The following CHERP variants were observed in gnomAD, a reference collection of about 807,000 sequenced individuals.
CHERP encodes the protein ERPROT 213-21.
A neutral mutation model predicts 113.8 loss-of-function variants in CHERP; 8 were observed. The observed-to-expected ratio is 0.07, with a 90% CI of 0.04 to 0.13. The LOEUF is 0.13. Ranked by LOEUF, CHERP falls within the 10% of genes least tolerant of loss-of-function variation. CHERP has a pLI of 1.00. For missense variants in CHERP, 884 were observed against 1,298.2 expected (o/e 0.68, Z 4.90); for synonymous variants, 559 against 524.5 (o/e 1.07, Z -0.90).
rs1335223219 is a variant in CHERP at position 16,519,545 on chromosome 19, A to T, written c.2557+76T>A. 16 of 1,381,548 alleles carry T rather than the reference A, an allele frequency of 1.2e-5. No homozygotes were observed. The Admixed American group carries it at 2.2e-4, about 19-fold the overall frequency. 85.6% of individuals were successfully genotyped at this position (1,381,548 alleles called of 1,614,324 possible). On this transcript the variant is annotated intron_variant, in intron 16 of 16. Transcript: ENST00000546361. The surrounding 1 kb of genome is among the most constrained non-coding windows in gnomAD (Gnocchi z 6.0). ...CATCCATCCCCACATGCACTGAGGA[A>T]GAGAAAGCGCTGGTGACTCCCGGGC...
At position 16,535,211 on chromosome 19, in the gene CHERP, T is replaced by C. The variant is rs1476781019; in HGVS notation, c.384+241A>G. 1.3e-5 allele frequency among the ~76,000 whole-genome samples: 2 copies of C among 152,144 alleles called. No homozygotes were observed. Among genetic ancestry groups the C allele is most frequent in the African/African-American group, 4.8e-5 (2 of 41,418 alleles). On this transcript the variant is annotated intron_variant, in intron 3 of 16. Transcript: ENST00000546361. The surrounding 1 kb of genome is among the most constrained non-coding windows in gnomAD (Gnocchi z 4.3). Reference sequence around the variant, plus strand: ...GTGCATACGTGCCCCACAGTCCCACTCAGGGGGGTCCACCCCAGGGTGATG... The same window carrying C: ...GTGCATACGTGCCCCACAGTCCCACCCAGGGGGGTCCACCCCAGGGTGATG...
At position 16,525,623 on chromosome 19, in the gene CHERP, G is replaced by A. The variant is rs1162585193; in HGVS notation, c.1360C>T (p.Pro454Ser). The change falls in exon 10 of 17, where the codon CCC becomes TCC. Residue 454 changes from proline (P) to serine (S), a missense_variant. By Grantham distance (74) the Pro-to-Ser change is moderately conservative. Transcript: ENST00000546361. This position sits in a 1 kb window ranked among gnomAD's most constrained non-coding sequence, Gnocchi z 6.5. Reference sequence around the variant, plus strand: ...ATGCCCTCATGGCTGTTGTTCCAGGGGGGGCAGTGGGGTGGGCCGCCCTGG... The same window carrying A: ...ATGCCCTCATGGCTGTTGTTCCAGGAGGGGCAGTGGGGTGGGCCGCCCTGG... ...HHQGGPPHCPPWNNSHEGMWG... is the reference protein window; with the variant it reads ...HHQGGPPHCPSWNNSHEGMWG... 5 of 1,532,194 alleles carry A rather than the reference G, an allele frequency of 3.3e-6. No individual in the cohort carries two copies. Among genetic ancestry groups the A allele is most frequent in the African/African-American group, 2.7e-5 (2 of 72,822 alleles). 94.9% of individuals were successfully genotyped at this position (1,532,194 alleles called of 1,614,324 possible). A position where few individuals can be genotyped will look rare whatever the true frequency, so the allele number is the denominator to read the frequency against.
Position 16,525,144 on chromosome 19 carries a change from C to A in CHERP, c.1741+98G>T. On this transcript the variant is annotated intron_variant, in intron 10 of 16. Transcript: ENST00000546361. The surrounding 1 kb of genome is among the most constrained non-coding windows in gnomAD (Gnocchi z 6.5). ...GACCCTGTGTCTGTCACTGTGCACT[C>A]AGGAGCATGGCAGGGCCACAAGCAG... 8.4e-7 allele frequency: 1 copy of A among 1,187,754 alleles called. No homozygotes were observed. Among genetic ancestry groups the A allele is most frequent in the Non-Finnish European group, 1.1e-6 (1 of 897,054 alleles). The allele number at this position is 1,187,754 out of a possible 1,614,324, so 73.6% of individuals were successfully genotyped here.
intron 10 of CHERP, among the ~76,000 whole-genome samples, chr19:16,524,821 C>T (rs576833837): frequency 2.0e-5 from 3 of 151,116 alleles, no homozygotes; most frequent in African/African-American, 7.3e-5. Flanking sequence ...TACAGTGGTG[C>T]GATCACAGCT....
At position 16,519,816 on chromosome 19, in the gene CHERP, T is replaced by G; in HGVS notation, c.2463-101A>C. The G allele has an allele frequency of 2.0e-6, 2 of 994,258 alleles. No homozygotes were observed. Among genetic ancestry groups the G allele is most frequent in the Non-Finnish European group, 3.2e-6 (2 of 620,294 alleles). 61.6% of individuals were successfully genotyped at this position (994,258 alleles called of 1,614,324 possible). A position where few individuals can be genotyped will look rare whatever the true frequency, so the allele number is the denominator to read the frequency against. On this transcript the variant is annotated intron_variant, in intron 15 of 16. Transcript: ENST00000546361. This position sits in a 1 kb window ranked among gnomAD's most constrained non-coding sequence, Gnocchi z 6.0. ...AGCCGCAGCTTGCGTGCATGCTCACTGTCACCAGGTGACACCGTATGCAGA... is the reference window on the plus strand; with the variant it reads ...AGCCGCAGCTTGCGTGCATGCTCACGGTCACCAGGTGACACCGTATGCAGA...
chr19:16,527,856 C>T (rs2085666966), intron 9 of CHERP, among the ~76,000 whole-genome samples: 1 of 152,202 alleles, frequency 6.6e-6, no homozygotes, highest in African/African-American at 2.4e-5. Context: ...TACAGAGAAG[C>T]CCAAACCATC....
intron 1 of CHERP, 50 bp downstream of exon 1, chr19:16,542,304 A>G: frequency 2.2e-6 from 3 of 1,394,152 alleles, no homozygotes; most frequent in Non-Finnish European, 1.9e-6. Flanking sequence ...GCCGGCCAAT[A>G]GGAGGTTCCG....
intron 3 of CHERP, among the ~76,000 whole-genome samples, chr19:16,533,537 C>T (rs545108234): frequency 2.6e-5 from 4 of 152,108 alleles, no homozygotes; most frequent in Admixed American, 6.5e-5. Context: ...GCGGGAGGAT[C>T]GCTTGAGCCC....
At chr19:16,522,966 C>T (rs1312971860) in intron 11 of CHERP, 86 bp downstream of exon 11, 12 of 1,423,996 alleles carry the variant, frequency 8.4e-6, no homozygotes, top group African/African-American at 4.5e-5. Context: ...GGAAGGCACC[C>T]GGTCCCGTGC....
intron 9 of CHERP, among the ~76,000 whole-genome samples, chr19:16,527,329 T>C (rs184870920): frequency 5.7e-4 from 87 of 152,262 alleles, no homozygotes; most frequent in Middle Eastern, 3.4e-3. Context: ...TGTCCAATCT[T>C]TTGTGAGGTT....
chr19:16,520,965 G>A lies in CHERP; in HGVS notation c.2115-53C>T. ...CCACGTGACACCCACCCACAAGGAA[G>A]TCGTGAAAAAGTCATCAGGAGTTAA... On this transcript the variant is annotated intron_variant, in intron 12 of 16. Transcript: ENST00000546361. This position sits in a 1 kb window ranked among gnomAD's most constrained non-coding sequence, Gnocchi z 4.0. The A allele has an allele frequency of 6.6e-7, 1 of 1,505,842 alleles. No homozygotes were observed. The highest frequency in any genetic ancestry group is 1.7e-4 in the Middle Eastern group (1 of 5,868). The allele number at this position is 1,505,842 out of a possible 1,614,324, so 93.3% of individuals were successfully genotyped here.
chr19:16,540,648 C>A (rs879404427), intron 2 of CHERP, among the ~76,000 whole-genome samples: 1 of 151,680 alleles, frequency 6.6e-6, no homozygotes, highest in Non-Finnish European at 1.5e-5. Context: ...GCTGGGATTA[C>A]AGGCGTCAGC....
In CHERP at chr19:16,535,909, T is replaced by C. The variant is rs989424803; in HGVS notation, c.200-273A>G. 3.3e-5 allele frequency among the ~76,000 whole-genome samples: 5 copies of C among 152,128 alleles called. No homozygotes were observed. The highest frequency in any genetic ancestry group is 1.2e-4 in the African/African-American group (5 of 41,430). On this transcript the variant is annotated intron_variant, in intron 2 of 16. Coordinates refer to ENST00000546361, the MANE Select transcript of CHERP (RefSeq NM_006387.6). This position sits in a 1 kb window ranked among gnomAD's most constrained non-coding sequence, Gnocchi z 4.3. ...CCTGGCCGCTCTCTCGCCAGCACCA[T>C]CCAGTCCTTGCGCAGTGTCCTTCCG...
chr19:16,533,326 C>T (rs1252079136), intron 3 of CHERP, among the ~76,000 whole-genome samples, 178 bp from the exon 4 acceptor site: 1 of 152,208 alleles, frequency 6.6e-6, no homozygotes, highest in Non-Finnish European at 1.5e-5. Context: ...TCTCTCATGC[C>T]TGCCGTGAAT....
chr19:16,520,117 T>C lies in CHERP; in HGVS notation c.2462+32A>G. On this transcript the variant is annotated intron_variant, in intron 15 of 16. Transcript: ENST00000546361. This position sits in a 1 kb window ranked among gnomAD's most constrained non-coding sequence, Gnocchi z 4.0. ...AGCAAAGCACCGCAGCTTCCCAGAGTTACCAGCGCAGCACTTAAGACAGGA... is the reference window on the plus strand; with the variant it reads ...AGCAAAGCACCGCAGCTTCCCAGAGCTACCAGCGCAGCACTTAAGACAGGA... 1 of 1,594,586 alleles carries C rather than the reference T, an allele frequency of 6.3e-7. No individual in the cohort carries two copies. Among genetic ancestry groups the C allele is most frequent in the Non-Finnish European group, 8.6e-7 (1 of 1,165,072 alleles).
rs2085688374 is a variant in CHERP at position 16,530,044 on chromosome 19, C to G, written c.877-144G>C. On this transcript the variant is annotated intron_variant, in intron 7 of 16. Transcript: ENST00000546361. The surrounding 1 kb of genome is among the most constrained non-coding windows in gnomAD (Gnocchi z 4.1). ...GAACCGTCACGTGAAACAGCCAACA[C>G]AGTCTGGGCAATCAGTGTGCGCTGG... is the stretch of plus-strand genomic sequence containing the variant. 6.6e-6 allele frequency: 7 copies of G among 1,064,278 alleles called. No individual in the cohort carries two copies. In the Middle Eastern group the frequency reaches 2.1e-3, roughly 320 times the overall value. The allele number at this position is 1,064,278 out of a possible 1,614,324, so 65.9% of individuals were successfully genotyped here.
At chr19:16,542,242 C>A (rs2085785549) in intron 1 of CHERP, 112 bp downstream of exon 1, 1 of 1,143,992 alleles carries the variant, frequency 8.7e-7, no homozygotes, top group Non-Finnish European at 1.2e-6. Flanking sequence ...GCAGGCGAAG[C>A]CGCGAGGCCG....
At chr19:16,541,696 C>T in intron 2 of CHERP, 174 bp downstream of exon 2, 1 of 643,608 alleles carries the variant, frequency 1.6e-6, no homozygotes, top group Non-Finnish European at 2.6e-6. Flanking sequence ...CAGTGGCACC[C>T]AGCAGCCGCT....
chr19:16,532,488 A>T lies in CHERP; in HGVS notation c.674+110T>A. On this transcript the variant is annotated intron_variant, in intron 5 of 16. Coordinates refer to ENST00000546361, the MANE Select transcript of CHERP (RefSeq NM_006387.6). The surrounding 1 kb of genome is among the most constrained non-coding windows in gnomAD (Gnocchi z 4.4). ...CGGGGTCCCCGGACAAGTGCCCCCT[A>T]GTCTCGGGACAGGCCAAGCCAAGCT... is the stretch of plus-strand genomic sequence containing the variant. 1.5e-6 allele frequency: 2 copies of T among 1,322,804 alleles called. No homozygotes were observed. The highest frequency in any genetic ancestry group is 1.0e-6 in the Non-Finnish European group (1 of 995,128). The allele number at this position is 1,322,804 out of a possible 1,614,324, so 81.9% of individuals were successfully genotyped here.
Sources: gnomAD v4.1 joint callset for allele counts (sites outside exome capture counted in the v4.1 genomes callset) on GRCh38, gnomAD v4.1.1 for gene constraint, Gnocchi (gnomAD v3.1) non-coding constraint, MANE v1.5 for transcripts, NCBI Gene and HGNC (gene_info 2026-07-23, HGNC 2026-07-21) for gene names.